LAMA4: variants seen among roughly 807,000 people sequenced by gnomAD.
LAMA4 encodes laminin subunit alpha 4.
LAMA4 carries 127 observed loss-of-function variants against 207.1 expected under a neutral mutation model. That is an observed-to-expected ratio of 0.61 (90% confidence interval 0.53 to 0.71). The LOEUF (loss-of-function observed/expected upper bound fraction) is 0.71. LAMA4 is among the 30% of genes least tolerant of loss of function. LAMA4 has a pLI of 0.00. For missense variants in LAMA4, 2,093 were observed against 2,246.5 expected (o/e 0.93, Z 1.38); for synonymous variants, 761 against 816.0 (o/e 0.93, Z 1.15).
chr6:112,207,670 T>G (rs1784139863), intron 3 of LAMA4, among the ~76,000 whole-genome samples: 1 of 152,150 alleles, frequency 6.6e-6, no homozygotes, highest in African/African-American at 2.4e-5. Context: ...ATTCTGCTCA[T>G]GGGTTGGTAT....
intron 3 of LAMA4, among the ~76,000 whole-genome samples, chr6:112,212,703 G>A (rs1554357146): frequency 6.6e-6 from 1 of 152,072 alleles, no homozygotes; most frequent in African/African-American, 2.4e-5. Flanking sequence ...TGCAACAGAT[G>A]GAAAAATTGT....
chr6:112,125,099 G>A (rs1778611354), intron 31 of LAMA4, among the ~76,000 whole-genome samples: 1 of 152,190 alleles, frequency 6.6e-6, no homozygotes, highest in African/African-American at 2.4e-5. Flanking sequence ...TGTCCCAGCA[G>A]GGGCTAGAAT....
chr6:112,115,996 G>A lies in LAMA4; in HGVS notation c.4982-3C>T. The A allele has an allele frequency of 6.2e-6, 10 of 1,611,876 alleles. No individual in the cohort carries two copies. The highest frequency in any genetic ancestry group is 8.5e-6 in the Non-Finnish European group (10 of 1,178,406). ...CAATCCAATATTGAAAGATTCATCT[G>A]TGGAGAGAAACACTATAAACTCCCA... On this transcript the variant is annotated splice_region_variant and splice_polypyrimidine_tract_variant and intron_variant, in intron 35 of 38. Transcript: ENST00000230538.
At chr6:112,192,246 A>G (rs1372159087) in intron 5 of LAMA4, among the ~76,000 whole-genome samples, 1 of 152,246 alleles carries the variant, frequency 6.6e-6, no homozygotes, top group Non-Finnish European at 1.5e-5. Flanking sequence ...TAGCACCTCT[A>G]TTGAGAAACA....
Position 112,189,215 on chromosome 6 carries a change from AC to A in LAMA4, c.719-11del, listed in dbSNP as rs1171653408. The A allele has an allele frequency of 6.2e-7, 1 of 1,605,070 alleles. No individual in the cohort carries two copies. Among genetic ancestry groups the A allele is most frequent in the Non-Finnish European group, 8.5e-7 (1 of 1,171,898 alleles). On this transcript the variant is annotated splice_polypyrimidine_tract_variant and intron_variant, in intron 6 of 38. Coordinates refer to ENST00000230538, the MANE Select transcript of LAMA4 (RefSeq NM_001105206.3). ...CCCCCGCAGTTGCACACTGTGGGAA[AC>A]AAAAACAAGAGACGAGAAATGCACT...
At chr6:112,194,817 C>T (rs1375647840) in intron 5 of LAMA4, among the ~76,000 whole-genome samples, 1 of 152,144 alleles carries the variant, frequency 6.6e-6, no homozygotes, top group Non-Finnish European at 1.5e-5. Context: ...AGCATTGGAG[C>T]CCTGGTGCCC....
chr6:112,123,838 G>A (rs1778519370), intron 31 of LAMA4, among the ~76,000 whole-genome samples: 1 of 152,130 alleles, frequency 6.6e-6, no homozygotes, highest in Non-Finnish European at 1.5e-5. Context: ...CAGTTGTCAG[G>A]ACTCATAACC....
chr6:112,191,721 A>T lies in LAMA4; in HGVS notation c.633T>A (p.Asn211Lys). Residue 211 changes from asparagine (N) to lysine (K), a missense_variant, in exon 6 of 39, where the codon AAT (asparagine) becomes AAA (lysine). This residue lies in a region of LAMA4 where 1,704 missense variants were observed against 1,788.4 expected (regional missense o/e 0.95). Coordinates refer to ENST00000230538, the MANE Select transcript of LAMA4 (RefSeq NM_001105206.3). Reference sequence around the variant, plus strand: ...TGAATCCGGTGGTGTTGCGTAAGCAATTCCTACACTGGCCAGTGACTTCAT... The same window carrying T: ...TGAATCCGGTGGTGTTGCGTAAGCATTTCCTACACTGGCCAGTGACTTCAT... ...DCDEVTGQCR[N>K]CLRNTTGFKC... The T allele has an allele frequency of 1.2e-6, 2 of 1,614,084 alleles. No homozygotes were observed. Among genetic ancestry groups the T allele is most frequent in the Non-Finnish European group, 1.7e-6 (2 of 1,179,966 alleles).
intron 31 of LAMA4, among the ~76,000 whole-genome samples, chr6:112,126,108 A>G (rs1446571920): frequency 6.6e-6 from 1 of 152,212 alleles, no homozygotes; most frequent in Admixed American, 6.5e-5. Context: ...GTTTCCTATA[A>G]TATGGAAAAG....
chr6:112,148,334 C>T lies in LAMA4; in HGVS notation c.2176G>A (p.Asp726Asn). 1 of 1,614,126 alleles carries T rather than the reference C, an allele frequency of 6.2e-7. No individual in the cohort carries two copies. The highest frequency in any genetic ancestry group is 8.5e-7 in the Non-Finnish European group (1 of 1,180,006). ...GACTGCCCCAGGCGCTGCTGGGCAT[C>T]CCCTTTACACAGAGCACAGGGTCAT... is the stretch of plus-strand genomic sequence containing the variant. ...VKQLQAAERG[D>N]AQQRLGQSRL... The change falls in exon 18 of 39, where the codon GAT becomes AAT. Residue 726 changes from aspartate (D) to asparagine (N), a missense_variant and splice_region_variant. Asp to Asn is a conservative substitution (Grantham distance 23, BLOSUM62 1). This residue lies in a region of LAMA4 where 1,704 missense variants were observed against 1,788.4 expected (regional missense o/e 0.95). Coordinates refer to ENST00000230538, the MANE Select transcript of LAMA4 (RefSeq NM_001105206.3).
chr6:112,207,213 A>G (rs1209145532), intron 3 of LAMA4, 68 bp from the exon 4 acceptor site: 5 of 1,557,688 alleles, frequency 3.2e-6, no homozygotes, highest in Non-Finnish European at 3.5e-6. Flanking sequence ...ACATCTAAGC[A>G]TCATGCAATA....
chr6:112,112,443 G>A (rs1261567886), intron 38 of LAMA4, among the ~76,000 whole-genome samples: 1 of 152,204 alleles, frequency 6.6e-6, no homozygotes, highest in Non-Finnish European at 1.5e-5. Flanking sequence ...ATGCTATGGT[G>A]AATTTAATCC....
At chr6:112,137,849 A>G (rs1779446117) in intron 24 of LAMA4, among the ~76,000 whole-genome samples, 1 of 152,192 alleles carries the variant, frequency 6.6e-6, no homozygotes, top group Admixed American at 6.5e-5. Flanking sequence ...ATTCGTGATG[A>G]CAAATGTCTG....
At chr6:112,230,927 G>A (rs1224444920) in intron 2 of LAMA4, among the ~76,000 whole-genome samples, 1 of 152,208 alleles carries the variant, frequency 6.6e-6, no homozygotes, top group Non-Finnish European at 1.5e-5. Flanking sequence ...GAAGCAACTT[G>A]TTGAAAGCTG....
chr6:112,206,996 G>A (rs1554354493), intron 4 of LAMA4, 25 bp downstream of exon 4: 1 of 1,613,328 alleles, frequency 6.2e-7, no homozygotes, highest in Non-Finnish European at 8.5e-7. Flanking sequence ...ATCATTAGAA[G>A]AGACCATCCT....
In LAMA4 at chr6:112,109,457, T is replaced by C. The variant is rs782123696; in HGVS notation, c.5452A>G (p.Asn1818Asp). The C allele has an allele frequency of 6.2e-7, 1 of 1,613,998 alleles. No individual in the cohort carries two copies. The highest frequency in any genetic ancestry group is 2.2e-5 in the East Asian group (1 of 44,876). Reference sequence around the variant, plus strand: ...TCATGTCAGGCTGCTGGACAGGAGTTGATGCTTACGGCGCCGCTGACCAGG... The same window carrying C: ...TCATGTCAGGCTGCTGGACAGGAGTCGATGCTTACGGCGCCGCTGACCAGG... ...AALVSGAVSI[N>D]SCPAA The change falls in exon 39 of 39, where the codon AAC becomes GAC. Residue 1818 changes from asparagine (N) to aspartate (D), a missense_variant. Around this residue, in one of 3 missense-constraint regions of LAMA4, gnomAD observed 383 missense variants for 437.8 expected, o/e 0.87. Coordinates refer to ENST00000230538, the MANE Select transcript of LAMA4 (RefSeq NM_001105206.3).
chr6:112,232,172 A>C (rs1339649687), intron 2 of LAMA4, among the ~76,000 whole-genome samples: 1 of 152,216 alleles, frequency 6.6e-6, no homozygotes, highest in Non-Finnish European at 1.5e-5. Flanking sequence ...ATTAATAAAC[A>C]AATACACCAA....
intron 24 of LAMA4, 147 bp downstream of exon 24, chr6:112,138,973 C>T: frequency 1.3e-6 from 1 of 784,924 alleles, no homozygotes; most frequent in Non-Finnish European, 2.1e-6. Flanking sequence ...CATTACTTTC[C>T]TGAAGAAGAA....
intron 3 of LAMA4, among the ~76,000 whole-genome samples, chr6:112,211,032 G>A (rs1784330868): frequency 6.6e-6 from 1 of 152,094 alleles, no homozygotes; most frequent in African/African-American, 2.4e-5. Flanking sequence ...CATAAGGTCT[G>A]CAAACTGCTC....
Sources: allele counts gnomAD v4.1 joint callset (sites outside exome capture counted in the v4.1 genomes callset), GRCh38; gene constraint gnomAD v4.1.1; regional missense constraint gnomAD v4.1.1; transcripts MANE v1.5; gene names NCBI Gene and HGNC (gene_info 2026-07-23, HGNC 2026-07-21).